Variants in RYR1 observed in about 807,000 individuals in gnomAD.
RYR1 encodes the protein ryanodine receptor 1.
RYR1 carries 342 observed loss-of-function variants against 583.5 expected under a neutral mutation model. That is an observed-to-expected ratio of 0.59 (90% CI 0.54 to 0.64). The LOEUF (loss-of-function observed/expected upper bound fraction) is 0.64. Among genes scored for constraint, RYR1 ranks in the 30% least tolerant of loss-of-function variants. The probability of loss-of-function intolerance (pLI) is 0.00; values close to 1 mark genes in which losing one functional copy is unlikely to be tolerated. For synonymous variants in RYR1, 2,791 were observed against 2,822.5 expected, an observed-to-expected ratio of 0.99 and a Z score of 0.35; for missense variants, 6,032 against 6,917.2, an observed-to-expected ratio of 0.87 and a Z score of 4.54.
rs1291166973 is a variant in RYR1 at position 38,585,989 on chromosome 19, A to G, written c.14855A>G (p.Lys4952Arg). Residue 4952 changes from lysine to arginine, a missense_variant, in exon 103 of 106, where the codon AAG (lysine) becomes AGG (arginine). Physicochemically the swap from Lys to Arg is conservative, Grantham distance 26. Around this residue, in one of 11 missense-constraint regions of RYR1, gnomAD observed 189 missense variants for 350.3 expected, o/e 0.54. Coordinates refer to ENST00000359596, the MANE Select transcript of RYR1 (RefSeq NM_000540.3). ...GELRDQQEQV[K>R]EDMETKCFIC... ...CTCCGAGACCAACAAGAGCAAGTGA[A>G]GGAGGATATGGAGGTAGGTCATGTC... The G allele has an allele frequency of 6.2e-7, 1 of 1,613,884 alleles. No homozygotes were observed. Among genetic ancestry groups the G allele is most frequent in the Non-Finnish European group, 8.5e-7 (1 of 1,180,002 alleles).
intron 89 of RYR1, 109 bp downstream of exon 89, chr19:38,548,529 T>C (rs1362046789): frequency 2.0e-6 from 2 of 988,776 alleles, no homozygotes; most frequent in Non-Finnish European, 3.1e-6. Flanking sequence ...CAAGCCTCAC[T>C]TTCCTTGTTT....
rs1969995227 is a variant in RYR1 at position 38,499,444 on chromosome 19, CGGG to C, written c.7028-190_7028-188del. Among the ~76,000 whole-genome samples, 1 of 121,802 alleles carries C rather than the reference CGGG, an allele frequency of 8.2e-6. No individual in the cohort carries two copies. The highest frequency in any genetic ancestry group is 3.2e-5 in the African/African-American group (1 of 31,284). 79.9% of individuals were successfully genotyped at this position (121,802 alleles called of 152,430 possible). ...TGGCAGTGTTGGATCCTGGGGCTGG[CGGG>C]AGCCTGGTGTTACCCCTAGAGGTGT... On this transcript the variant is annotated intron_variant, in intron 43 of 105. Transcript: ENST00000359596. This position sits in a 1 kb window ranked among gnomAD's most constrained non-coding sequence, Gnocchi z 7.3.
rs1969989469 is a variant in RYR1, at chr19:38,499,320, C to T, written c.7027+77C>T. 1.2e-6 allele frequency: 2 copies of T among 1,602,446 alleles called. No homozygotes were observed. Among genetic ancestry groups the T allele is most frequent in the East Asian group, 2.2e-5 (1 of 44,824 alleles). ...ACACCTCCCTCGAGATGACTGCTCGCACCCTGAGCCACAGATGGGGTCCAG... is the reference window on the plus strand; with the variant it reads ...ACACCTCCCTCGAGATGACTGCTCGTACCCTGAGCCACAGATGGGGTCCAG... On this transcript the variant is annotated intron_variant, in intron 43 of 105. Transcript: ENST00000359596. The surrounding 1 kb of genome is among the most constrained non-coding windows in gnomAD (Gnocchi z 7.3).
chr19:38,462,975 C>T (rs916327042), intron 20 of RYR1, among the ~76,000 whole-genome samples: 1 of 147,946 alleles, frequency 6.8e-6, no homozygotes, highest in Non-Finnish European at 1.5e-5. Flanking sequence ...TGGCTCACTG[C>T]AACCTCTGCC....
chr19:38,512,225 T>C lies in RYR1; in HGVS notation c.9234-20T>C. 6.2e-7 allele frequency: 1 copy of C among 1,614,072 alleles called. No individual in the cohort carries two copies. Among genetic ancestry groups the C allele is most frequent in the Non-Finnish European group, 8.5e-7 (1 of 1,179,924 alleles). On this transcript the variant is annotated intron_variant, in intron 62 of 105. Transcript: ENST00000359596. This position sits in a 1 kb window ranked among gnomAD's most constrained non-coding sequence, Gnocchi z 5.1. ...AGACTCTCCGATTCCAGAGCTGATG[T>C]TCCCCCGCTGCCCTTCTAGGACAGT...
chr19:38,507,240 T>A (rs1310287784), intron 57 of RYR1, among the ~76,000 whole-genome samples: 1 of 129,700 alleles, frequency 7.7e-6, no homozygotes, highest in African/African-American at 3.0e-5. Flanking sequence ...TGGAGGAGAC[T>A]GAGAGGGGCG....
rs1974460330 is a variant in RYR1, at chr19:38,585,847, T to A, written c.14804-91T>A. 7 of 1,465,238 alleles carry A rather than the reference T, an allele frequency of 4.8e-6. No homozygotes were observed. The Admixed American group carries it at 8.4e-5, about 18-fold the overall frequency. The allele number at this position is 1,465,238 out of a possible 1,614,324, so 90.8% of individuals were successfully genotyped here. Reference sequence around the variant, plus strand: ...GGGGTGAGATTAGGGAAATGGGGGATGGAGGGCAAGCCCTGGAGGTAGGTA... The same window carrying A: ...GGGGTGAGATTAGGGAAATGGGGGAAGGAGGGCAAGCCCTGGAGGTAGGTA... On this transcript the variant is annotated intron_variant, in intron 102 of 105. Coordinates refer to ENST00000359596, the MANE Select transcript of RYR1 (RefSeq NM_000540.3).
In RYR1 at chr19:38,561,318, T is replaced by C; in HGVS notation, c.12488T>C (p.Leu4163Pro). Residue 4163 changes from leucine to proline, a missense_variant, in exon 90 of 106, where the codon CTG (leucine) becomes CCG (proline). Leu to Pro is a moderately conservative substitution (Grantham distance 98, BLOSUM62 -3). Around this residue, in one of 11 missense-constraint regions of RYR1, gnomAD observed 753 missense variants for 759.6 expected, o/e 0.99. Coordinates refer to ENST00000359596, the MANE Select transcript of RYR1 (RefSeq NM_000540.3). The surrounding 1 kb of genome is among the most constrained non-coding windows in gnomAD (Gnocchi z 4.8). ...CATGACCCTCGCCTGCACAACTTCC[T>C]GGAGCTGGCCGAGAGCATCCTTGAG... is the stretch of plus-strand genomic sequence containing the variant. ...VPHDPRLHNFLELAESILEYF... is the reference protein window; with the variant it reads ...VPHDPRLHNFPELAESILEYF... 2 of 1,614,054 alleles carry C rather than the reference T, an allele frequency of 1.2e-6. No individual in the cohort carries two copies. Among genetic ancestry groups the C allele is most frequent in the African/African-American group, 2.7e-5 (2 of 75,066 alleles).
At chr19:38,557,111 T>G (rs1303415498) in intron 89 of RYR1, among the ~76,000 whole-genome samples, 1 of 137,998 alleles carries the variant, frequency 7.2e-6, no homozygotes, top group Non-Finnish European at 1.5e-5. Context: ...TGGAGTGCAG[T>G]GGCATGCTCT....
chr19:38,506,157 A>G, intron 54 of RYR1, 146 bp from the exon 55 acceptor site: 1 of 1,035,554 alleles, frequency 9.7e-7, no homozygotes, highest in South Asian at 1.4e-5. Flanking sequence ...GGTGGTTTAG[A>G]GACAGGGCCT....
intron 7 of RYR1, among the ~76,000 whole-genome samples, chr19:38,445,360 C>A (rs1413710080): frequency 1.3e-5 from 2 of 151,782 alleles, no homozygotes; most frequent in African/African-American, 4.8e-5. Context: ...AGCCCTCCAA[C>A]CTCAGACTTC....
chr19:38,487,039 A>G (rs1247593321), intron 34 of RYR1, among the ~76,000 whole-genome samples: 1 of 151,966 alleles, frequency 6.6e-6, no homozygotes, highest in Admixed American at 6.6e-5. Flanking sequence ...TCATCTATCC[A>G]CCTACCCATT....
chr19:38,577,477 T>C (rs989958985), intron 97 of RYR1, among the ~76,000 whole-genome samples: 4 of 152,022 alleles, frequency 2.6e-5, no homozygotes, highest in Non-Finnish European at 4.4e-5. Flanking sequence ...AAGTACAGTA[T>C]GTCAGTGGTG....
intron 102 of RYR1, among the ~76,000 whole-genome samples, chr19:38,585,537 A>G (rs1449031489): frequency 1.3e-5 from 2 of 150,846 alleles, no homozygotes; most frequent in Non-Finnish European, 2.9e-5. Context: ...TCAGTGGTGC[A>G]ATCTTGGCTC....
intron 71 of RYR1, 108 bp from the exon 72 acceptor site, chr19:38,526,885 A>G (rs1600927284): frequency 8.1e-6 from 10 of 1,241,280 alleles, no homozygotes; most frequent in East Asian, 4.7e-5. Context: ...CCCCCACCCC[A>G]GAAAAACCTC....
chr19:38,552,536 C>T (rs1233429920), intron 89 of RYR1, among the ~76,000 whole-genome samples: 1 of 152,166 alleles, frequency 6.6e-6, no homozygotes, highest in Non-Finnish European at 1.5e-5. Context: ...CAGGCGTGAG[C>T]CACCGCGCCT....
rs201847439 is a variant in RYR1 at position 38,504,754 on chromosome 19, G to A, written c.8074G>A (p.Asp2692Asn). 6 of 1,614,036 alleles carry A rather than the reference G, an allele frequency of 3.7e-6. No homozygotes were observed. The highest frequency in any genetic ancestry group is 2.2e-5 in the East Asian group (1 of 44,876). Residue 2692 changes from aspartate (D) to asparagine (N), a missense_variant, in exon 51 of 106, where the codon GAC becomes AAC. Around this residue, in one of 11 missense-constraint regions of RYR1, gnomAD observed 1,493 missense variants for 1,715.5 expected, o/e 0.87. Coordinates refer to ENST00000359596, the MANE Select transcript of RYR1 (RefSeq NM_000540.3). ...CTTCACCCGGTTTTCCCAGAAATAC[G>A]ACCCGGAGCTGTACCGCATGGCCAT... is the stretch of plus-strand genomic sequence containing the variant. ...IFDSLAHKKY[D>N]PELYRMAMPC...
chr19:38,524,497 A>G (rs1179176852), intron 70 of RYR1, among the ~76,000 whole-genome samples: 1 of 152,206 alleles, frequency 6.6e-6, no homozygotes, highest in East Asian at 1.9e-4. Flanking sequence ...GGCCTGCAGC[A>G]GTGCCTGGCA....
chr19:38,506,395 T>C lies in RYR1; in HGVS notation c.8616+18T>C, dbSNP rs201401795. On this transcript the variant is annotated intron_variant, in intron 55 of 105. Transcript: ENST00000359596. Reference sequence around the variant, plus strand: ...AGCTGCAGGTGAGAGCCCTGATCCTTTTGGGGGGACATAGGGTGTCTTTGG... The same window carrying C: ...AGCTGCAGGTGAGAGCCCTGATCCTCTTGGGGGGACATAGGGTGTCTTTGG... 6 of 1,613,526 alleles carry C rather than the reference T, an allele frequency of 3.7e-6. No homozygotes were observed. Among genetic ancestry groups the C allele is most frequent in the Non-Finnish European group, 5.1e-6 (6 of 1,179,662 alleles).
Sources: allele counts gnomAD v4.1 joint callset (sites outside exome capture counted in the v4.1 genomes callset), GRCh38; gene constraint gnomAD v4.1.1; regional missense constraint gnomAD v4.1.1; non-coding constraint Gnocchi (gnomAD v3.1); transcripts MANE v1.5; gene names NCBI Gene and HGNC (gene_info 2026-07-23, HGNC 2026-07-21).